The following DLGAP2 variants were observed in gnomAD, a reference collection of about 807,000 sequenced individuals.
The protein encoded by DLGAP2 is disks large-associated protein 2.
A neutral mutation model predicts 100.3 loss-of-function variants in DLGAP2; 26 were observed. That is an observed-to-expected ratio of 0.26 (90% CI 0.19 to 0.36). The LOEUF is 0.36. Ranked by LOEUF, DLGAP2 falls within the 10% of genes least tolerant of loss-of-function variation. The pLI is 1.00. For missense variants in DLGAP2, 1,858 were observed against 1,453.2 expected, an observed-to-expected ratio of 1.28 and a Z score of -4.53; for synonymous variants, 886 against 630.1, an observed-to-expected ratio of 1.41 and a Z score of -6.08.
chr8:1,041,440 T>C (rs1388911207), intron 2 of DLGAP2, among the ~76,000 whole-genome samples: 1 of 152,222 alleles, frequency 6.6e-6, no homozygotes, highest in Non-Finnish European at 1.5e-5. Context: ...AGCCCAGGTT[T>C]TGGGGTGAGG....
intron 2 of DLGAP2, among the ~76,000 whole-genome samples, chr8:1,025,547 T>G (rs1801773009): frequency 1.3e-5 from 2 of 152,270 alleles, no homozygotes; most frequent in African/African-American, 4.8e-5. Context: ...TTTTTTGGTT[T>G]TAAGTGATCG....
chr8:1,217,921 A>C (rs983020663), intron 2 of DLGAP2, among the ~76,000 whole-genome samples: 2 of 152,038 alleles, frequency 1.3e-5, no homozygotes, highest in African/African-American at 4.8e-5. Context: ...AGAAGTGTCC[A>C]TGTCCTTTGC....
At chr8:1,130,606 C>G (rs553996848) in intron 2 of DLGAP2, among the ~76,000 whole-genome samples, 1 of 152,228 alleles carries the variant, frequency 6.6e-6, no homozygotes, top group South Asian at 2.1e-4. Flanking sequence ...GAGACACCCC[C>G]CTGGGTGTTT....
At chr8:1,184,576 C>T (rs1797459741) in intron 2 of DLGAP2, among the ~76,000 whole-genome samples, 1 of 152,188 alleles carries the variant, frequency 6.6e-6, no homozygotes, top group African/African-American at 2.4e-5. Flanking sequence ...GGGTGGTCGA[C>T]CTGCATCTTA....
intron 2 of DLGAP2, among the ~76,000 whole-genome samples, chr8:1,118,271 A>T (rs544255263): frequency 6.6e-6 from 1 of 152,258 alleles, no homozygotes; most frequent in East Asian, 1.9e-4. Context: ...CTTCAGCTTC[A>T]CTCTGGTGCT....
intron 8 of DLGAP2, among the ~76,000 whole-genome samples, chr8:1,659,148 G>C (rs1798353424): frequency 6.6e-6 from 1 of 152,206 alleles, no homozygotes; most frequent in Non-Finnish European, 1.5e-5. Flanking sequence ...TAGTTGTGCG[G>C]TTTTGAGTGA....
At chr8:1,112,440 C>A (rs1416826483) in intron 2 of DLGAP2, among the ~76,000 whole-genome samples, 1 of 152,032 alleles carries the variant, frequency 6.6e-6, no homozygotes, top group Non-Finnish European at 1.5e-5. Context: ...CATGGTTTCA[C>A]CATGTTAGCC....
chr8:862,476 GTA>G (rs984690999), intron 1 of DLGAP2, among the ~76,000 whole-genome samples: 3 of 152,058 alleles, frequency 2.0e-5, no homozygotes, highest in African/African-American at 4.8e-5. Context: ...CTAATTTTTT[GTA>G]TATTTACTAG....
At chr8:794,210 A>G (rs1377184429) in intron 1 of DLGAP2, among the ~76,000 whole-genome samples, 1 of 152,038 alleles carries the variant, frequency 6.6e-6, no homozygotes, top group Non-Finnish European at 1.5e-5. Flanking sequence ...GCGTGTTTCT[A>G]GCTGCAGAAT....
At position 777,845 on chromosome 8, in the gene DLGAP2, C is replaced by T. The variant is rs1167944129; in HGVS notation, c.18+40020C>T. Among the ~76,000 whole-genome samples the T allele has an allele frequency of 2.6e-5, 4 of 152,036 alleles. No individual in the cohort carries two copies. In the South Asian group the frequency reaches 6.2e-4, roughly 24 times the overall value. ...TTATGTGTCTTGGAGTTGCTCTTCT[C>T]GAGGAGTATCTTTGTGGCGTCTCTG... On this transcript the variant is annotated intron_variant, in intron 1 of 14. Coordinates refer to ENST00000637795, the MANE Select transcript of DLGAP2 (RefSeq NM_001346810.2).
intron 4 of DLGAP2, among the ~76,000 whole-genome samples, chr8:1,520,479 A>G (rs772964215): frequency 1.8e-4 from 27 of 152,316 alleles, no homozygotes; most frequent in Non-Finnish European, 2.9e-4. Flanking sequence ...CACGCTTGGC[A>G]TGGTCCACCC....
chr8:1,577,734 G>C (rs1425212287), intron 6 of DLGAP2, among the ~76,000 whole-genome samples: 1 of 152,144 alleles, frequency 6.6e-6, no homozygotes, highest in Non-Finnish European at 1.5e-5. Flanking sequence ...CCAGGGGAGT[G>C]AGAGGAGCCT....
At chr8:1,201,396 C>T (rs1797870873) in intron 2 of DLGAP2, among the ~76,000 whole-genome samples, 1 of 152,168 alleles carries the variant, frequency 6.6e-6, no homozygotes. Context: ...AAGGGACGGC[C>T]TTCTGTTCCC....
chr8:1,286,669 C>G (rs73535700), intron 3 of DLGAP2, among the ~76,000 whole-genome samples: 3,080 of 152,294 alleles, frequency 0.02, 109 homozygotes, highest in African/African-American at 0.071. Flanking sequence ...ATCTCACACT[C>G]AGTCCCTATG....
chr8:854,728 C>T (rs986606671), intron 1 of DLGAP2, among the ~76,000 whole-genome samples: 4 of 151,924 alleles, frequency 2.6e-5, no homozygotes, highest in Non-Finnish European at 4.4e-5. Flanking sequence ...GGGCTGTCTG[C>T]AGTCTGCAAT....
At chr8:1,437,039 G>T (rs1797655762) in intron 3 of DLGAP2, among the ~76,000 whole-genome samples, 1 of 152,028 alleles carries the variant, frequency 6.6e-6, no homozygotes, top group Non-Finnish European at 1.5e-5. Context: ...TTCAGCCCAG[G>T]CGCGTAAGGG....
At chr8:1,060,567 C>T (rs1268137399) in intron 2 of DLGAP2, among the ~76,000 whole-genome samples, 1 of 152,222 alleles carries the variant, frequency 6.6e-6, no homozygotes, top group African/African-American at 2.4e-5. Context: ...AGGGCCTGCT[C>T]TAATCCAGGA....
chr8:827,657 C>G (rs1796706920), intron 1 of DLGAP2, among the ~76,000 whole-genome samples: 1 of 152,170 alleles, frequency 6.6e-6, no homozygotes, highest in Admixed American at 6.5e-5. Context: ...AGCATGAATT[C>G]TTAGCATTAC....
At chr8:1,441,162 A>G (rs1362265526) in intron 3 of DLGAP2, among the ~76,000 whole-genome samples, 1 of 152,202 alleles carries the variant, frequency 6.6e-6, no homozygotes, top group Non-Finnish European at 1.5e-5. Context: ...AGATGTATTA[A>G]TATAATTGAT....
Sources: gnomAD v4.1 joint callset for allele counts (sites outside exome capture counted in the v4.1 genomes callset) on GRCh38, gnomAD v4.1.1 for gene constraint, MANE v1.5 for transcripts, NCBI Gene and HGNC (gene_info 2026-07-23, HGNC 2026-07-21) for gene names.